EXOC6: variants seen among roughly 807,000 people sequenced by gnomAD.
EXOC6 encodes the protein exocyst complex component 6, also known as SEC15-like 1.
Under a neutral mutation model 112.5 loss-of-function variants are expected in EXOC6, and 60 were observed. The observed-to-expected ratio is 0.53, with a 90% confidence interval of 0.43 to 0.66. EXOC6 has a LOEUF of 0.66. Among genes scored for constraint, EXOC6 ranks in the 30% least tolerant of loss-of-function variants. The pLI, the probability that EXOC6 is intolerant of heterozygous loss-of-function variation, is 0.00. For missense variants in EXOC6, 855 were observed against 957.1 expected (o/e 0.89, Z 1.41); for synonymous variants, 295 against 308.0 (o/e 0.96, Z 0.44).
At chr10:92,946,690 T>C (rs1853031137) in intron 13 of EXOC6, among the ~76,000 whole-genome samples, 2 of 152,230 alleles carry the variant, frequency 1.3e-5, no homozygotes, top group Admixed American at 1.3e-4. Flanking sequence ...CTTTATACTT[T>C]GTAATACTGC....
intron 20 of EXOC6, among the ~76,000 whole-genome samples, chr10:93,020,884 C>G (rs1844753144): frequency 6.6e-6 from 1 of 150,426 alleles, no homozygotes; most frequent in Non-Finnish European, 1.5e-5. Context: ...CACCATCTCT[C>G]AATACTTTGT....
intron 19 of EXOC6, among the ~76,000 whole-genome samples, chr10:92,998,627 A>C (rs202169458): frequency 3.0e-5 from 2 of 66,350 alleles, no homozygotes; most frequent in East Asian, 1.1e-3. Context: ...TCTGTTGCAC[A>C]CCACACACAC....
At chr10:92,827,068 T>G (rs1589658637) in intron 1 of EXOC6, among the ~76,000 whole-genome samples, 1 of 152,212 alleles carries the variant, frequency 6.6e-6, no homozygotes, top group Non-Finnish European at 1.5e-5. Context: ...TTTGAAAGAA[T>G]ATTATTTGAA....
chr10:92,863,933 C>CA, intron 1 of EXOC6, among the ~76,000 whole-genome samples: 1 of 139,730 alleles, frequency 7.2e-6, no homozygotes, highest in African/African-American at 2.6e-5. Context: ...AAAAACAAAA[C>CA]AAAAAAACAA....
At chr10:92,879,284 G>A (rs757588497) in intron 1 of EXOC6, among the ~76,000 whole-genome samples, 2 of 152,276 alleles carry the variant, frequency 1.3e-5, no homozygotes, top group East Asian at 3.9e-4. Flanking sequence ...CCTGGGCAAC[G>A]TAGGGAGACT....
chr10:92,974,619 G>A (rs976467463), intron 18 of EXOC6, among the ~76,000 whole-genome samples: 9 of 27,976 alleles, frequency 3.2e-4, no homozygotes, highest in East Asian at 0.011. Flanking sequence ...ATGCCGAGCC[G>A]AAGCTGCACT....
chr10:92,958,933 A>C (rs1182027477), intron 17 of EXOC6, among the ~76,000 whole-genome samples: 1 of 152,096 alleles, frequency 6.6e-6, no homozygotes, highest in Non-Finnish European at 1.5e-5. Context: ...GTCTCTACTA[A>C]AAATACAAAA....
At chr10:92,901,092 A>G (rs1850139702) in intron 5 of EXOC6, 1 of 152,220 alleles carries the variant, frequency 6.6e-6, no homozygotes, top group African/African-American at 2.4e-5. Flanking sequence ...AGAGTATAGC[A>G]TAAGTGATAC....
At chr10:92,934,764 A>G (rs1852254823) in intron 11 of EXOC6, among the ~76,000 whole-genome samples, 1 of 152,158 alleles carries the variant, frequency 6.6e-6, no homozygotes, top group Non-Finnish European at 1.5e-5. Context: ...TGTTTCTAAA[A>G]TAAACTCCAC....
chr10:93,054,600 T>G (rs924331236), intron 20 of EXOC6, among the ~76,000 whole-genome samples: 6 of 152,252 alleles, frequency 3.9e-5, no homozygotes, highest in Non-Finnish European at 7.3e-5. Context: ...GCATAGTGTT[T>G]CTTTATCCAG....
At chr10:92,849,968 A>G (rs1847245083) in intron 1 of EXOC6, among the ~76,000 whole-genome samples, 1 of 152,230 alleles carries the variant, frequency 6.6e-6, no homozygotes, top group Non-Finnish European at 1.5e-5. Flanking sequence ...GGTTTCTGCT[A>G]TGATATGATA....
intron 20 of EXOC6, among the ~76,000 whole-genome samples, chr10:93,054,052 T>G (rs1024640224): frequency 1.3e-5 from 2 of 152,190 alleles, no homozygotes; most frequent in Non-Finnish European, 2.9e-5. Context: ...AAGTTAATGG[T>G]TTCTATTTTA....
In EXOC6 at chr10:92,957,914, C is replaced by T. The variant is rs537910306; in HGVS notation, c.1773+2200C>T. Among the ~76,000 whole-genome samples, 9 of 152,216 alleles carry T rather than the reference C, an allele frequency of 5.9e-5. No homozygotes were observed. The South Asian group carries it at 1.5e-3, about 25-fold the overall frequency. ...GTAGACATTTGATTGGATTATATAG[C>T]CTCTTAGCCTGATTTTTTTTCAGTT... On this transcript the variant is annotated intron_variant, in intron 17 of 21. Coordinates refer to ENST00000260762, the MANE Select transcript of EXOC6 (RefSeq NM_019053.6).
intron 17 of EXOC6, among the ~76,000 whole-genome samples, chr10:92,972,924 G>A (rs1021558657): frequency 1.3e-5 from 2 of 152,146 alleles, no homozygotes; most frequent in African/African-American, 4.8e-5. Context: ...AGATGCCCAG[G>A]AATCTGTTAG....
In EXOC6 at chr10:92,865,454, T is replaced by G. The variant is rs577739669; in HGVS notation, c.101+16820T>G. Reference sequence around the variant, plus strand: ...AGGAGGCTGAGGTGGGAGGATAGCTTTAACCCCATGAGGTGGAGGTTGCAG... The same window carrying G: ...AGGAGGCTGAGGTGGGAGGATAGCTGTAACCCCATGAGGTGGAGGTTGCAG... On this transcript the variant is annotated intron_variant, in intron 1 of 21. Transcript: ENST00000260762. Among the ~76,000 whole-genome samples, 19 of 152,132 alleles carry G rather than the reference T, an allele frequency of 1.2e-4. 1 individual carries two copies. In the South Asian group the frequency reaches 1.5e-3, roughly 12 times the overall value.
intron 19 of EXOC6, among the ~76,000 whole-genome samples, chr10:93,001,272 T>C (rs893984762): frequency 2.0e-5 from 3 of 152,140 alleles, no homozygotes; most frequent in Non-Finnish European, 4.4e-5. Flanking sequence ...CACACACCTG[T>C]TAATAACATA....
intron 20 of EXOC6, among the ~76,000 whole-genome samples, chr10:93,035,592 C>T (rs1401614954): frequency 5.3e-5 from 8 of 152,216 alleles, no homozygotes; most frequent in African/African-American, 2.4e-5. Context: ...TGGTGGCTCA[C>T]GCCTGTAATC....
intron 8 of EXOC6, among the ~76,000 whole-genome samples, chr10:92,924,012 G>T (rs537494741): frequency 1.3e-5 from 2 of 152,166 alleles, no homozygotes; most frequent in South Asian, 2.1e-4. Context: ...TTCTGTTAAG[G>T]GTAAATCATA....
chr10:92,840,957 C>A (rs1846826793), intron 1 of EXOC6, among the ~76,000 whole-genome samples: 1 of 152,070 alleles, frequency 6.6e-6, no homozygotes, highest in Non-Finnish European at 1.5e-5. Context: ...CATACCCAGC[C>A]TATTTATAGG....
Sources: gnomAD v4.1 joint callset for allele counts (sites outside exome capture counted in the v4.1 genomes callset) on GRCh38, gnomAD v4.1.1 for gene constraint, MANE v1.5 for transcripts, NCBI Gene and HGNC (gene_info 2026-07-23, HGNC 2026-07-21) for gene names.